The following HIP1 variants were observed in gnomAD, a reference collection of about 807,000 sequenced individuals.
HIP1 encodes the protein huntingtin interacting protein 1.
Under a neutral mutation model 147.6 loss-of-function variants are expected in HIP1, and 65 were observed. The ratio of observed to expected loss-of-function variants is 0.44; its 90% confidence interval spans 0.36 to 0.54. The LOEUF (loss-of-function observed/expected upper bound fraction) is 0.54. Ranked by LOEUF, HIP1 falls within the 20% of genes least tolerant of loss-of-function variation. The pLI is 0.00. For synonymous variants in HIP1, 479 were observed against 504.0 expected (o/e 0.95, Z 0.67); for missense variants, 1,061 against 1,299.6 (o/e 0.82, Z 2.82).
At chr7:75,648,645 G>A (rs1360764833) in intron 1 of HIP1, among the ~76,000 whole-genome samples, 9 of 152,122 alleles carry the variant, frequency 5.9e-5, no homozygotes, top group African/African-American at 1.9e-4. Context: ...TAAGCTGCCG[G>A]AAGTCAGGGG....
chr7:75,585,876 G>A (rs587765754), intron 5 of HIP1, among the ~76,000 whole-genome samples: 1 of 152,026 alleles, frequency 6.6e-6, no homozygotes, highest in South Asian at 2.1e-4. Context: ...GGGCAGTGAT[G>A]CGATCATAGC....
At chr7:75,690,589 G>A (rs929837264) in intron 1 of HIP1, among the ~76,000 whole-genome samples, 3 of 151,578 alleles carry the variant, frequency 2.0e-5, no homozygotes, top group East Asian at 2.0e-4. Context: ...AGGGCCGGGC[G>A]TGGTGGCTCA....
intron 1 of HIP1, among the ~76,000 whole-genome samples, chr7:75,697,410 A>T (rs1288121728): frequency 6.6e-6 from 1 of 152,110 alleles, no homozygotes; most frequent in Admixed American, 6.6e-5. Context: ...ACAGTTCTCT[A>T]AGAAAAAGAA....
At chr7:75,584,663 C>CTATA (rs1387303995) in intron 5 of HIP1, among the ~76,000 whole-genome samples, 1 of 151,964 alleles carries the variant, frequency 6.6e-6, no homozygotes, top group Admixed American at 6.6e-5. Context: ...TGCTGTCTTC[C>CTATA]TATATACAAG....
Position 75,636,093 on chromosome 7 carries a change from G to A in HIP1, c.121-36846C>T, listed in dbSNP as rs587666303. On this transcript the variant is annotated intron_variant, in intron 1 of 30. Transcript: ENST00000336926. Reference sequence around the variant, plus strand: ...GTGGTGGCTCACGCCTGTAATTCTAGCACTTTGGGAGGCTGAGGTGGGTGG... The same window carrying A: ...GTGGTGGCTCACGCCTGTAATTCTAACACTTTGGGAGGCTGAGGTGGGTGG... Among the ~76,000 whole-genome samples the A allele has an allele frequency of 2.5e-4, 37 of 148,768 alleles. 1 individual carries two copies. In the South Asian group the frequency reaches 7.8e-3, roughly 31 times the overall value.
chr7:75,703,214 G>A (rs186261175), intron 1 of HIP1, among the ~76,000 whole-genome samples: 187 of 152,234 alleles, frequency 1.2e-3, no homozygotes, highest in African/African-American at 4.4e-3. Flanking sequence ...CAGACATGGT[G>A]GTGCATGCTT....
chr7:75,544,751 T>C lies in HIP1; in HGVS notation c.2710A>G (p.Met904Val), dbSNP rs1554490607. Residue 904 changes from methionine to valine, a missense_variant, in exon 27 of 31, where the codon ATG (methionine) becomes GTG (valine). This residue lies in a region of HIP1 where 810 missense variants were observed against 946.8 expected (regional missense o/e 0.86). Transcript: ENST00000336926. ...GCAGCAATTTCATGAGAACACACCA[T>C]TAGCTCCTCAAATTTCCCTCTGCCT... ...VQGRGKFEEL[M>V]VCSHEIAAST... 2.5e-6 allele frequency: 4 copies of C among 1,613,954 alleles called. No homozygotes were observed. The highest frequency in any genetic ancestry group is 1.7e-6 in the Non-Finnish European group (2 of 1,179,806).
chr7:75,585,551 C>T (rs1245802395), intron 5 of HIP1, among the ~76,000 whole-genome samples: 1 of 151,990 alleles, frequency 6.6e-6, no homozygotes, highest in Admixed American at 6.6e-5. Flanking sequence ...GTCCTCCCTC[C>T]AATCACACGC....
At chr7:75,642,058 CT>C (rs1388588856) in intron 1 of HIP1, among the ~76,000 whole-genome samples, 1 of 152,080 alleles carries the variant, frequency 6.6e-6, no homozygotes, top group Admixed American at 6.6e-5. Context: ...CTATACACAT[CT>C]AATTGTGACT....
chr7:75,706,473 C>CTTTTTTTTTTTTATTTTTTTTT (rs139655610), intron 1 of HIP1, among the ~76,000 whole-genome samples: 8 of 138,074 alleles, frequency 5.8e-5, no homozygotes, highest in African/African-American at 8.2e-5. Flanking sequence ...TATATATCTT[C>CTTTTTTTTTTTTATTTTTTTTT]TTTTTTTTTA....
At chr7:75,664,569 C>G (rs535668749) in intron 1 of HIP1, among the ~76,000 whole-genome samples, 3 of 147,870 alleles carry the variant, frequency 2.0e-5, no homozygotes, top group Admixed American at 6.9e-5. Context: ...TGTATGTATA[C>G]GTATACATAC....
intron 1 of HIP1, among the ~76,000 whole-genome samples, chr7:75,690,983 G>C (rs1052427707): frequency 6.6e-6 from 1 of 152,200 alleles, no homozygotes; most frequent in Admixed American, 6.5e-5. Context: ...GTTCACAGTA[G>C]CACTATTCAC....
chr7:75,549,239 G>GC (rs1389134071), intron 22 of HIP1, among the ~76,000 whole-genome samples: 3 of 151,966 alleles, frequency 2.0e-5, no homozygotes, highest in African/African-American at 4.8e-5. Flanking sequence ...TGCCATCGCT[G>GC]CCTCCCCCTG....
At position 75,674,770 on chromosome 7, in the gene HIP1, C is replaced by T. The variant is rs528349333; in HGVS notation, c.120+64031G>A. Among the ~76,000 whole-genome samples, 317 of 151,712 alleles carry T rather than the reference C, an allele frequency of 2.1e-3. 1 individual carries two copies. Among genetic ancestry groups the T allele is most frequent in the African/African-American group, 7.1e-3 (295 of 41,404 alleles). On this transcript the variant is annotated intron_variant, in intron 1 of 30. Coordinates refer to ENST00000336926, the MANE Select transcript of HIP1 (RefSeq NM_005338.7). ...CCTCCCAAAGTGCTGGGATTACAGGCGTGAGCCACCGTGCCAGGCCGGCTT... is the reference window on the plus strand; with the variant it reads ...CCTCCCAAAGTGCTGGGATTACAGGTGTGAGCCACCGTGCCAGGCCGGCTT...
In HIP1 at chr7:75,558,204, C is replaced by T. The variant is rs181505727; in HGVS notation, c.1427G>A (p.Ser476Asn). ...QRYSKLKEKYSELVQNHADLL... is the reference protein window; with the variant it reads ...QRYSKLKEKYNELVQNHADLL... Reference sequence around the variant, plus strand: ...GTCAGCGTGGTTCTGAACCAGCTCGCTGTACTTCTCCTTTAGCTTGCTATA... The same window carrying T: ...GTCAGCGTGGTTCTGAACCAGCTCGTTGTACTTCTCCTTTAGCTTGCTATA... The change falls in exon 15 of 31, where the codon AGC becomes AAC. Residue 476 changes from serine (S) to asparagine (N), a missense_variant. By Grantham distance (46) the Ser-to-Asn change is conservative. Around this residue, in one of 3 missense-constraint regions of HIP1, gnomAD observed 810 missense variants for 946.8 expected, o/e 0.86. Coordinates refer to ENST00000336926, the MANE Select transcript of HIP1 (RefSeq NM_005338.7). 2 of 1,614,212 alleles carry T rather than the reference C, an allele frequency of 1.2e-6. No homozygotes were observed. Among genetic ancestry groups the T allele is most frequent in the Admixed American group, 3.3e-5 (2 of 60,020 alleles).
Position 75,568,165 on chromosome 7 carries a change from AT to A in HIP1, c.803+33del. 6.7e-7 allele frequency: 1 copy of A among 1,489,544 alleles called. No individual in the cohort carries two copies. The highest frequency in any genetic ancestry group is 9.4e-7 in the Non-Finnish European group (1 of 1,066,530). The allele number at this position is 1,489,544 out of a possible 1,614,324, so 92.3% of individuals were successfully genotyped here. A position where few individuals can be genotyped will look rare whatever the true frequency, so the allele number is the denominator to read the frequency against. On this transcript the variant is annotated intron_variant, in intron 9 of 30. Coordinates refer to ENST00000336926, the MANE Select transcript of HIP1 (RefSeq NM_005338.7). This position sits in a 1 kb window ranked among gnomAD's most constrained non-coding sequence, Gnocchi z 4.1. ...CTTAATGATTTTATAGCGCTCTTGA[AT>A]TCACCTCCATTCCTGTTACTTGAAC...
chr7:75,613,002 A>G (rs897577349), intron 1 of HIP1, among the ~76,000 whole-genome samples: 2 of 151,526 alleles, frequency 1.3e-5, no homozygotes, highest in African/African-American at 4.9e-5. Context: ...TACTCAGGAG[A>G]CTGAGGTGGG....
intron 1 of HIP1, chr7:75,638,923 G>A (rs1215339987): frequency 1.5e-5 from 4 of 262,014 alleles, no homozygotes; most frequent in Non-Finnish European, 2.4e-5. Context: ...TGGAGTTGGG[G>A]CCAACAGGCA....
rs986362647 is a variant in HIP1 at position 75,562,861 on chromosome 7, G to A, written c.1020+74C>T. 4.6e-6 allele frequency: 7 copies of A among 1,509,792 alleles called. No homozygotes were observed. The African/African-American group carries it at 8.3e-5, about 18-fold the overall frequency. 93.5% of individuals were successfully genotyped at this position (1,509,792 alleles called of 1,614,324 possible). The stretch of plus-strand genomic sequence containing the variant: ...GGTTAGAGTCAATGGGCTTTGGCCA[G>A]GGTCTCCCCCAGCCTCTCCCCTGTA... On this transcript the variant is annotated intron_variant, in intron 11 of 30. Transcript: ENST00000336926.
Sources: gnomAD v4.1 joint callset for allele counts (sites outside exome capture counted in the v4.1 genomes callset) on GRCh38, gnomAD v4.1.1 for gene constraint, gnomAD v4.1.1 regional missense constraint, Gnocchi (gnomAD v3.1) non-coding constraint, MANE v1.5 for transcripts, NCBI Gene and HGNC (gene_info 2026-07-23, HGNC 2026-07-21) for gene names.